KCNS3: variants seen among roughly 807,000 people sequenced by gnomAD.
KCNS3 encodes potassium voltage-gated channel modifier subfamily S member 3.
Under a neutral mutation model 31.0 loss-of-function variants are expected in KCNS3, and 13 were observed. That is an observed-to-expected ratio of 0.42 (90% CI 0.27 to 0.67). The LOEUF is 0.67. Ranked by LOEUF, KCNS3 falls within the 30% of genes least tolerant of loss-of-function variation. The pLI is 0.25. For synonymous variants in KCNS3, 238 were observed against 241.5 expected, an observed-to-expected ratio of 0.99 and a Z score of 0.13; for missense variants, 545 against 622.4, an observed-to-expected ratio of 0.88 and a Z score of 1.32.
At chr2:17,898,703 C>T (rs531787522) in intron 1 of KCNS3, among the ~76,000 whole-genome samples, 7 of 152,168 alleles carry the variant, frequency 4.6e-5, no homozygotes, top group East Asian at 3.9e-4. Flanking sequence ...GGAGAGAACA[C>T]GAGGACATTA....
In KCNS3 at chr2:17,917,785, T is replaced by C. The variant is rs1025065852; in HGVS notation, c.-146T>C. On this transcript the variant is annotated 5_prime_UTR_variant, in exon 2 of 3. Coordinates refer to ENST00000304101, the MANE Select transcript of KCNS3 (RefSeq NM_002252.5). Reference sequence around the variant, plus strand: ...CCTATGTGCACCACACATTCCAGTGTGCTGAGAAGGGCAGAGCTTCTTGGA... The same window carrying C: ...CCTATGTGCACCACACATTCCAGTGCGCTGAGAAGGGCAGAGCTTCTTGGA... The C allele has an allele frequency of 2.6e-5, 4 of 152,716 alleles. No individual in the cohort carries two copies. The highest frequency in any genetic ancestry group is 9.6e-5 in the African/African-American group (4 of 41,460). 9.5% of individuals were successfully genotyped at this position (152,716 alleles called of 1,614,324 possible).
rs1239603236 is a variant in KCNS3, at chr2:17,930,960, A to T, written c.-49A>T. 6.3e-7 allele frequency: 1 copy of T among 1,578,850 alleles called. No homozygotes were observed. Among genetic ancestry groups the T allele is most frequent in the Non-Finnish European group, 8.6e-7 (1 of 1,162,092 alleles). On this transcript the variant is annotated 5_prime_UTR_variant, in exon 3 of 3. Transcript: ENST00000304101. The stretch of plus-strand genomic sequence containing the variant: ...TTGTGCTCTTTCCAGGTGCAGCCTG[A>T]TCTTCCTCTTCTCCCTTGCCAGCCA...
intron 1 of KCNS3, among the ~76,000 whole-genome samples, chr2:17,879,223 C>G (rs936758598): frequency 6.6e-6 from 1 of 152,246 alleles, no homozygotes; most frequent in Non-Finnish European, 1.5e-5. Flanking sequence ...GGGGCATCCC[C>G]GGGGCGTTTC....
Position 17,909,723 on chromosome 2 carries a change from C to T in KCNS3, c.-251-7957C>T, listed in dbSNP as rs145346311. Among the ~76,000 whole-genome samples the T allele has an allele frequency of 2.9e-3, 442 of 152,266 alleles. 6 individuals are homozygous for T. Among genetic ancestry groups the T allele is most frequent in the African/African-American group, 9.7e-3 (405 of 41,540 alleles). ...CAAGCCATGCAGAAGAAAGAGCATTCCAGGCAGAGGGTTCAGCCACTGCAG... is the reference window on the plus strand; with the variant it reads ...CAAGCCATGCAGAAGAAAGAGCATTTCAGGCAGAGGGTTCAGCCACTGCAG... On this transcript the variant is annotated intron_variant, in intron 1 of 2. Transcript: ENST00000304101.
chr2:17,914,761 G>A (rs1432940923), intron 1 of KCNS3, among the ~76,000 whole-genome samples: 2 of 152,180 alleles, frequency 1.3e-5, no homozygotes, highest in Non-Finnish European at 2.9e-5. Context: ...TCAGAAGATT[G>A]TGGGCAGGAC....
rs1280842135 is a variant in KCNS3 at position 17,932,852 on chromosome 2, G to C, written c.*368G>C. Reference sequence around the variant, plus strand: ...TAGAATCAAAGGTGCAGCTGACTGAGACGACATGCATGTAAGATCCACAAA... The same window carrying C: ...TAGAATCAAAGGTGCAGCTGACTGACACGACATGCATGTAAGATCCACAAA... On this transcript the variant is annotated 3_prime_UTR_variant, in exon 3 of 3. Coordinates refer to ENST00000304101, the MANE Select transcript of KCNS3 (RefSeq NM_002252.5). 2 of 190,912 alleles carry C rather than the reference G, an allele frequency of 1.0e-5. No homozygotes were observed. Among genetic ancestry groups the C allele is most frequent in the African/African-American group, 4.8e-5 (2 of 41,958 alleles). 11.8% of individuals were successfully genotyped at this position (190,912 alleles called of 1,614,324 possible). A position where few individuals can be genotyped will look rare whatever the true frequency, so the allele number is the denominator to read the frequency against.
chr2:17,911,926 A>G (rs1320360774), intron 1 of KCNS3, among the ~76,000 whole-genome samples: 7 of 152,238 alleles, frequency 4.6e-5, no homozygotes. Context: ...TGCTGCAAGG[A>G]TTAAATGGAT....
intron 1 of KCNS3, among the ~76,000 whole-genome samples, chr2:17,910,151 G>A (rs7592842): frequency 0.018 from 2,709 of 152,320 alleles, 69 homozygotes; most frequent in African/African-American, 0.061. Context: ...TTATGAGTTA[G>A]CAATATATTT....
At chr2:17,889,545 T>C (rs1041333804) in intron 1 of KCNS3, among the ~76,000 whole-genome samples, 1 of 152,122 alleles carries the variant, frequency 6.6e-6, no homozygotes, top group Non-Finnish European at 1.5e-5. Context: ...CCCCATTCAG[T>C]ATTATGTTGG....
intron 2 of KCNS3, among the ~76,000 whole-genome samples, chr2:17,922,116 T>TATC (rs1278098922): frequency 1.3e-5 from 2 of 151,082 alleles, no homozygotes; most frequent in Admixed American, 1.3e-4. Flanking sequence ...CCTGTGGTGT[T>TATC]ATTGACCATA....
chr2:17,886,596 C>T (rs1400792076), intron 1 of KCNS3, among the ~76,000 whole-genome samples: 1 of 152,176 alleles, frequency 6.6e-6, no homozygotes, highest in African/African-American at 2.4e-5. Context: ...CATGACAGAG[C>T]TTGTCTCCTC....
chr2:17,910,347 G>A (rs903959055), intron 1 of KCNS3, among the ~76,000 whole-genome samples: 1 of 152,170 alleles, frequency 6.6e-6, no homozygotes, highest in Non-Finnish European at 1.5e-5. Flanking sequence ...GCCAATGCCT[G>A]CATTTTTAAT....
At chr2:17,908,159 C>G (rs1439080336) in intron 1 of KCNS3, among the ~76,000 whole-genome samples, 1 of 152,168 alleles carries the variant, frequency 6.6e-6, no homozygotes, top group Non-Finnish European at 1.5e-5. Flanking sequence ...TTGTTCATTT[C>G]TCTTTACTCT....
intron 1 of KCNS3, among the ~76,000 whole-genome samples, chr2:17,888,673 A>AT (rs1209333974): frequency 2.2e-5 from 3 of 135,812 alleles, no homozygotes; most frequent in Non-Finnish European, 4.8e-5. Flanking sequence ...ATATATATAT[A>AT]AAGAAAAGGG....
rs912137587 is a variant in KCNS3 at position 17,909,179 on chromosome 2, C to T, written c.-251-8501C>T. On this transcript the variant is annotated intron_variant, in intron 1 of 2. Coordinates refer to ENST00000304101, the MANE Select transcript of KCNS3 (RefSeq NM_002252.5). Reference sequence around the variant, plus strand: ...ATGGCGGGCGCCCCTCCCCCAGCCTCGCTGCCACCTTGCAGTTCTATCTCA... The same window carrying T: ...ATGGCGGGCGCCCCTCCCCCAGCCTTGCTGCCACCTTGCAGTTCTATCTCA... 3.3e-5 allele frequency among the ~76,000 whole-genome samples: 5 copies of T among 152,222 alleles called. No homozygotes were observed. In the East Asian group the frequency reaches 5.8e-4, roughly 18 times the overall value.
intron 1 of KCNS3, 50 bp downstream of exon 1, chr2:17,878,856 G>A (rs1674571612): frequency 6.6e-6 from 1 of 152,664 alleles, no homozygotes; most frequent in South Asian, 2.1e-4. Context: ...GACTTCTCCG[G>A]GCGACCCTGC....
intron 1 of KCNS3, among the ~76,000 whole-genome samples, chr2:17,917,198 C>G (rs973778958): frequency 6.6e-6 from 1 of 152,162 alleles, no homozygotes; most frequent in Admixed American, 6.5e-5. Flanking sequence ...TTGAATTTGG[C>G]CAGCCTTTGA....
intron 1 of KCNS3, among the ~76,000 whole-genome samples, chr2:17,890,973 T>C (rs1047613944): frequency 2.0e-5 from 3 of 152,182 alleles, no homozygotes; most frequent in Admixed American, 2.0e-4. Flanking sequence ...ATCCGTTGTT[T>C]CTTTGTTGAC....
At chr2:17,889,021 A>G (rs566985835) in intron 1 of KCNS3, among the ~76,000 whole-genome samples, 21 of 152,152 alleles carry the variant, frequency 1.4e-4, no homozygotes, top group Admixed American at 5.9e-4. Context: ...CTTTGGCAGT[A>G]TGGTCATTTT....
Sources: gnomAD v4.1 joint callset for allele counts (sites outside exome capture counted in the v4.1 genomes callset) on GRCh38, gnomAD v4.1.1 for gene constraint, MANE v1.5 for transcripts, NCBI Gene and HGNC (gene_info 2026-07-23, HGNC 2026-07-21) for gene names.